Variants in OPHN1 observed in about 807,000 individuals in gnomAD.
The protein encoded by OPHN1 is oligophrenin 1, also known as oligophrenin-1.
A neutral mutation model predicts 60.7 loss-of-function variants in OPHN1; 11 were observed. The observed-to-expected ratio is 0.18, with a 90% CI of 0.11 to 0.30. OPHN1 has a LOEUF of 0.30. Among genes scored for constraint, OPHN1 ranks in the 10% least tolerant of loss-of-function variants. The probability of loss-of-function intolerance (pLI) is 1.00; values close to 1 mark genes in which losing one functional copy is unlikely to be tolerated. For missense variants in OPHN1, 449 were observed against 611.0 expected (o/e 0.73, Z 2.80); for synonymous variants, 226 against 222.6 (o/e 1.02, Z -0.14).
chrX:68,426,568 AT>A (rs2078858245), intron 2 of OPHN1, among the ~76,000 whole-genome samples: 7 of 78,766 alleles, frequency 8.9e-5, no homozygotes, highest in Non-Finnish European at 1.6e-4. Context: ...ATATATATAT[AT>A]ACATACACAG....
chrX:68,186,296 A>G (rs1264649235), intron 15 of OPHN1, among the ~76,000 whole-genome samples: 1 of 110,804 alleles, frequency 9.0e-6, no homozygotes, highest in Non-Finnish European at 1.9e-5. Flanking sequence ...ACTGCAGGAC[A>G]TAAGAGATGC....
At chrX:68,377,289 G>T (rs1415395034) in intron 2 of OPHN1, among the ~76,000 whole-genome samples, 1 of 108,678 alleles carries the variant, frequency 9.2e-6, no homozygotes, top group Non-Finnish European at 1.9e-5. Context: ...GTAAAGACAG[G>T]GTTTCACCAC....
intron 19 of OPHN1, among the ~76,000 whole-genome samples, chrX:68,078,563 C>T (rs1451346417): frequency 8.9e-6 from 1 of 111,735 alleles, no homozygotes; most frequent in Non-Finnish European, 1.9e-5. Flanking sequence ...ATAAACGCAT[C>T]ATATATTATT....
chrX:68,061,782 G>A (rs1731331346), intron 21 of OPHN1, among the ~76,000 whole-genome samples: 1 of 111,438 alleles, frequency 9.0e-6, no homozygotes, highest in Non-Finnish European at 1.9e-5. Flanking sequence ...AGCATCAGTG[G>A]ATCAAACCAG....
At chrX:68,208,294 T>C in intron 9 of OPHN1, among the ~76,000 whole-genome samples, 1 of 110,505 alleles carries the variant, frequency 9.0e-6, no homozygotes, top group Non-Finnish European at 1.9e-5. Context: ...TTTCACCATG[T>C]TGGCCAGGCT....
chrX:68,069,306 G>A (rs142634385), intron 20 of OPHN1, among the ~76,000 whole-genome samples: 3 of 111,283 alleles, frequency 2.7e-5, no homozygotes, highest in African/African-American at 9.8e-5. Context: ...CTGGCACTGT[G>A]CCCATGCTTT....
intron 21 of OPHN1, among the ~76,000 whole-genome samples, chrX:68,056,113 A>G (rs969060359): frequency 1.8e-5 from 2 of 111,504 alleles, no homozygotes; most frequent in Non-Finnish European, 3.8e-5. Context: ...TTAAAAAAAA[A>G]GAAAGAAAAA....
Position 68,058,147 on chromosome X carries a change from C to A in OPHN1, c.2159-4337G>T, listed in dbSNP as rs2076880124. On this transcript the variant is annotated intron_variant, in intron 21 of 24. Transcript: ENST00000355520. The stretch of plus-strand genomic sequence containing the variant: ...AAGTACTCTACATGTACTTAACCTG[C>A]TTTAAAATAATTAATCCCTCTGTCT... Among the ~76,000 whole-genome samples the A allele has an allele frequency of 3.6e-5, 4 of 110,636 alleles. 1 individual carries two copies. The South Asian group carries it at 1.6e-3, about 43-fold the overall frequency.
chrX:68,193,092 T>A, intron 14 of OPHN1, 99 bp from the exon 15 acceptor site: 1 of 628,365 alleles, frequency 1.6e-6, no homozygotes, highest in Non-Finnish European at 2.7e-6. Flanking sequence ...GGGGTCACAC[T>A]ACATACTCCA....
chrX:68,300,468 CAAT>C (rs2078114731), intron 2 of OPHN1, among the ~76,000 whole-genome samples: 1 of 112,256 alleles, frequency 8.9e-6, no homozygotes, highest in South Asian at 3.7e-4. Context: ...GTAATAATAA[CAAT>C]AATAATGACA....
intron 2 of OPHN1, among the ~76,000 whole-genome samples, chrX:68,396,193 G>A (rs2078682367): frequency 9.4e-6 from 1 of 106,005 alleles, no homozygotes; most frequent in African/African-American, 3.4e-5. Flanking sequence ...AGCACTTTGA[G>A]AGGCTGAGGT....
chrX:68,186,565 T>C (rs1182390435), intron 15 of OPHN1, among the ~76,000 whole-genome samples: 5 of 110,472 alleles, frequency 4.5e-5, no homozygotes, highest in African/African-American at 6.6e-5. Context: ...CAGAGAAAAG[T>C]GTAAATGATA....
rs751591052 is a variant in OPHN1, at chrX:68,194,414, G to A, written c.1138+51C>T. ...TTAATGATGGTATTTACTATGAATC[G>A]GACAGCTGGCAGTTTATAATGCTAG... On this transcript the variant is annotated intron_variant, in intron 13 of 24. Transcript: ENST00000355520. 4.8e-6 allele frequency: 5 copies of A among 1,039,748 alleles called. 1 individual carries two copies. Among genetic ancestry groups the A allele is most frequent in the South Asian group, 1.9e-5 (1 of 53,185 alleles). 85.7% of individuals were successfully genotyped at this position (1,039,748 alleles called of 1,213,427 possible).
chrX:68,291,160 T>C (rs969296364), intron 3 of OPHN1, among the ~76,000 whole-genome samples: 4 of 111,239 alleles, frequency 3.6e-5, no homozygotes, highest in African/African-American at 1.3e-4. Flanking sequence ...AGCCAAGATA[T>C]AAGGGTCATT....
chrX:68,368,552 C>T (rs990380441), intron 2 of OPHN1, among the ~76,000 whole-genome samples: 1 of 109,521 alleles, frequency 9.1e-6, no homozygotes, highest in Non-Finnish European at 1.9e-5. Flanking sequence ...CAAAAAAAAA[C>T]GCAACCATGT....
At chrX:68,311,823 C>T (rs1005589454) in intron 2 of OPHN1, among the ~76,000 whole-genome samples, 41 of 111,453 alleles carry the variant, frequency 3.7e-4, no homozygotes, top group African/African-American at 1.3e-3. Flanking sequence ...GACAGAAGAT[C>T]AGTAAGGAAT....
intron 20 of OPHN1, chrX:68,071,257 T>C (rs2076933100): frequency 1.5e-6 from 1 of 685,063 alleles, no homozygotes; most frequent in African/African-American, 2.1e-5. Context: ...CATGGAGCTG[T>C]GGGCTCTGTG....
intron 15 of OPHN1, chrX:68,133,031 A>G (rs1033107027): frequency 6.2e-6 from 3 of 485,170 alleles, no homozygotes; most frequent in African/African-American, 2.3e-5. Flanking sequence ...CCTACCGCCA[A>G]CTCTGCAGCA....
intron 5 of OPHN1, among the ~76,000 whole-genome samples, chrX:68,247,441 T>C (rs1197479112): frequency 9.0e-6 from 1 of 111,682 alleles, no homozygotes; most frequent in Non-Finnish European, 1.9e-5. Flanking sequence ...GTAACAGGCA[T>C]AGACTTAGTT....
Sources: allele counts gnomAD v4.1 joint callset (sites outside exome capture counted in the v4.1 genomes callset), GRCh38; gene constraint gnomAD v4.1.1; transcripts MANE v1.5; gene names NCBI Gene and HGNC (gene_info 2026-07-23, HGNC 2026-07-21).